CAMTA1: variants seen among roughly 807,000 people sequenced by gnomAD.
CAMTA1 encodes the protein calmodulin-binding transcription activator 1.
In CAMTA1, 27 loss-of-function variants were observed where a neutral mutation model predicts 170.9. The ratio of observed to expected loss-of-function variants is 0.16; its 90% CI spans 0.12 to 0.22. CAMTA1 has a LOEUF of 0.22. CAMTA1 is among the 10% of genes least tolerant of loss of function. The pLI is 1.00. For synonymous variants in CAMTA1, 833 were observed against 891.5 expected (o/e 0.93, Z 1.17); for missense variants, 1,619 against 2,217.2 (o/e 0.73, Z 5.42).
In CAMTA1 at chr1:7,327,356, G is replaced by A. The variant is rs1358396156; in HGVS notation, c.438+77730G>A. Among the ~76,000 whole-genome samples, 5 of 141,126 alleles carry A rather than the reference G, an allele frequency of 3.5e-5. 1 individual carries two copies. The South Asian group carries it at 6.8e-4, about 19-fold the overall frequency. 92.6% of individuals were successfully genotyped at this position (141,126 alleles called of 152,430 possible). On this transcript the variant is annotated intron_variant, in intron 5 of 22. Coordinates refer to ENST00000303635, the MANE Select transcript of CAMTA1 (RefSeq NM_015215.4). ...CGGGAGACGGAGCTTGCAGTGAGCC[G>A]AGATCACGCCACTGCACTCCAGCCT...
At chr1:7,704,766 G>C (rs1230829698) in intron 11 of CAMTA1, among the ~76,000 whole-genome samples, 2 of 148,170 alleles carry the variant, frequency 1.3e-5, no homozygotes, top group Non-Finnish European at 3.0e-5. Flanking sequence ...TTCCAGCTGC[G>C]GCGAGTGGAG....
chr1:7,158,282 C>G (rs1490669810), intron 4 of CAMTA1, among the ~76,000 whole-genome samples: 1 of 152,150 alleles, frequency 6.6e-6, no homozygotes, highest in African/African-American at 2.4e-5. Context: ...TTTATATCAA[C>G]TTCTAGATTA....
chr1:7,102,293 G>A (rs1642837261), intron 4 of CAMTA1, among the ~76,000 whole-genome samples: 1 of 152,140 alleles, frequency 6.6e-6, no homozygotes, highest in Admixed American at 6.5e-5. Flanking sequence ...GGGAGCGAGA[G>A]TCCAGGACGG....
chr1:7,248,521 G>A lies in CAMTA1; in HGVS notation c.303-970G>A, dbSNP rs2149298117. ...TGCGTGGGGTGCTGCTAGATTTTGGGGGAGTCTTCCTTGACGTTGGATCTG... is the reference window on the plus strand; with the variant it reads ...TGCGTGGGGTGCTGCTAGATTTTGGAGGAGTCTTCCTTGACGTTGGATCTG... On this transcript the variant is annotated intron_variant, in intron 4 of 22. Coordinates refer to ENST00000303635, the MANE Select transcript of CAMTA1 (RefSeq NM_015215.4). The surrounding 1 kb of genome is among the most constrained non-coding windows in gnomAD (Gnocchi z 4.0). Among the ~76,000 whole-genome samples, 1 of 152,242 alleles carries A rather than the reference G, an allele frequency of 6.6e-6. No individual in the cohort carries two copies. The highest frequency in any genetic ancestry group is 2.4e-5 in the African/African-American group (1 of 41,540).
chr1:7,553,670 C>T (rs1229156978), intron 6 of CAMTA1, among the ~76,000 whole-genome samples: 1 of 152,210 alleles, frequency 6.6e-6, no homozygotes, highest in African/African-American at 2.4e-5. Context: ...CTGGTTTAAG[C>T]CTCAGGAAAG....
chr1:7,704,771 G>A (rs2096488930), intron 11 of CAMTA1, among the ~76,000 whole-genome samples: 1 of 148,136 alleles, frequency 6.8e-6, no homozygotes, highest in South Asian at 2.1e-4. Flanking sequence ...GCTGCGGCGA[G>A]TGGAGCTGAG....
chr1:7,659,533 C>CA (rs1186264783), intron 7 of CAMTA1, among the ~76,000 whole-genome samples: 5 of 150,912 alleles, frequency 3.3e-5, no homozygotes, highest in East Asian at 1.9e-4. Context: ...GACTCTGTCT[C>CA]AAAAAAAAGA....
At chr1:7,521,064 T>TA (rs952829878) in intron 6 of CAMTA1, among the ~76,000 whole-genome samples, 7 of 151,838 alleles carry the variant, frequency 4.6e-5, no homozygotes, top group Admixed American at 6.6e-5. Flanking sequence ...ATAAGAAAAA[T>TA]AAAAAAAATG....
intron 3 of CAMTA1, among the ~76,000 whole-genome samples, chr1:7,076,140 C>T (rs1435214910): frequency 2.6e-5 from 4 of 152,194 alleles, no homozygotes; most frequent in Non-Finnish European, 5.9e-5. Flanking sequence ...CAGGGTTCCT[C>T]TCCTGGGAGT....
chr1:7,647,338 T>C (rs2095815125), intron 7 of CAMTA1, among the ~76,000 whole-genome samples: 1 of 152,142 alleles, frequency 6.6e-6, no homozygotes, highest in South Asian at 2.1e-4. Context: ...CTGGTGATTA[T>C]AGAATATCAA....
chr1:7,084,648 T>C (rs1175125284), intron 3 of CAMTA1, among the ~76,000 whole-genome samples: 1 of 152,160 alleles, frequency 6.6e-6, no homozygotes, highest in East Asian at 1.9e-4. Context: ...CCTTCACATG[T>C]GGGACGCGGA....
intron 5 of CAMTA1, among the ~76,000 whole-genome samples, chr1:7,290,407 A>T (rs974389598): frequency 1.3e-5 from 2 of 152,236 alleles, no homozygotes; most frequent in Admixed American, 6.5e-5. Context: ...AAAGAGAGAT[A>T]TATGTGGAGT....
Position 7,642,513 on chromosome 1 carries a change from T to C in CAMTA1, c.664+1960T>C, listed in dbSNP as rs146732538. Reference sequence around the variant, plus strand: ...CCTGCCTGCCTTCGTACTCAGTACATAGGGGGCACCTCACTATGCAGGGCT... The same window carrying C: ...CCTGCCTGCCTTCGTACTCAGTACACAGGGGGCACCTCACTATGCAGGGCT... On this transcript the variant is annotated intron_variant, in intron 7 of 22. Coordinates refer to ENST00000303635, the MANE Select transcript of CAMTA1 (RefSeq NM_015215.4). This position sits in a 1 kb window ranked among gnomAD's most constrained non-coding sequence, Gnocchi z 6.3. 4.5e-3 allele frequency among the ~76,000 whole-genome samples: 679 copies of C among 152,256 alleles called. 2 individuals carry two copies. Among genetic ancestry groups the C allele is most frequent in the Middle Eastern group, 0.014 (4 of 294 alleles).
At chr1:7,430,676 C>A (rs893383626) in intron 5 of CAMTA1, among the ~76,000 whole-genome samples, 7 of 152,132 alleles carry the variant, frequency 4.6e-5, no homozygotes, top group African/African-American at 7.2e-5. Flanking sequence ...GTTACCTGAC[C>A]AGGGCCGGGA....
chr1:7,735,315 G>A (rs1043533622), intron 12 of CAMTA1, among the ~76,000 whole-genome samples: 1 of 151,986 alleles, frequency 6.6e-6, no homozygotes, highest in Non-Finnish European at 1.5e-5. Flanking sequence ...GGCCAACATG[G>A]TGAAACCCTA....
intron 4 of CAMTA1, among the ~76,000 whole-genome samples, chr1:7,130,810 G>T (rs1283512954): frequency 3.3e-5 from 5 of 152,128 alleles, no homozygotes; most frequent in African/African-American, 9.7e-5. Flanking sequence ...CTGCAATGAA[G>T]TACATATTCC....
intron 5 of CAMTA1, among the ~76,000 whole-genome samples, chr1:7,310,640 CTTTCTTTTTT>C (rs753277385): frequency 1.7e-3 from 60 of 35,780 alleles, no homozygotes; most frequent in African/African-American, 6.7e-3. Flanking sequence ...TTCTTTCTTT[CTTTCTTTTTT>C]CTTTCTTTCT....
chr1:7,217,290 T>G (rs1659918304), intron 4 of CAMTA1, among the ~76,000 whole-genome samples: 1 of 152,236 alleles, frequency 6.6e-6, no homozygotes. Context: ...CTGCCATGAT[T>G]GTAAGTTTCC....
chr1:7,529,574 C>T (rs578055517), intron 6 of CAMTA1, among the ~76,000 whole-genome samples: 59 of 152,122 alleles, frequency 3.9e-4, no homozygotes, highest in Admixed American at 1.4e-3. Context: ...GGATTTGCAC[C>T]GTGCAGGCAG....
Sources: gnomAD v4.1 joint callset for allele counts (sites outside exome capture counted in the v4.1 genomes callset) on GRCh38, gnomAD v4.1.1 for gene constraint, Gnocchi (gnomAD v3.1) non-coding constraint, MANE v1.5 for transcripts, NCBI Gene and HGNC (gene_info 2026-07-23, HGNC 2026-07-21) for gene names.